Variants in PTPRA observed in about 807,000 individuals in gnomAD.
The protein encoded by PTPRA is protein tyrosine phosphatase receptor type A.
Under a neutral mutation model 104.8 loss-of-function variants are expected in PTPRA, and 25 were observed. The observed-to-expected ratio is 0.24, with a 90% CI of 0.17 to 0.33. The LOEUF is 0.33. Ranked by LOEUF, PTPRA falls within the 10% of genes least tolerant of loss-of-function variation. The probability of loss-of-function intolerance (pLI) is 1.00; values close to 1 mark genes in which losing one functional copy is unlikely to be tolerated. For missense variants in PTPRA, 765 were observed against 1,015.3 expected (o/e 0.75, Z 3.35); for synonymous variants, 323 against 368.9 (o/e 0.88, Z 1.43).
intron 3 of PTPRA, among the ~76,000 whole-genome samples, chr20:2,948,381 C>T (rs1309774893): frequency 6.6e-6 from 1 of 152,166 alleles, no homozygotes; most frequent in Non-Finnish European, 1.5e-5. Flanking sequence ...TCTAATGTCT[C>T]TAGTATCTGC....
At position 2,911,155 on chromosome 20, in the gene PTPRA, T is replaced by G. The variant is rs1285451810; in HGVS notation, c.-128-12052T>G. 2.6e-5 allele frequency among the ~76,000 whole-genome samples: 4 copies of G among 152,186 alleles called. 1 individual carries two copies. The highest frequency in any genetic ancestry group is 5.9e-5 in the Non-Finnish European group (4 of 68,028). ...AATAGAAGCAAGGGGTGGATAAATC[T>G]TCTAGATCAAACTCTTCCTTAAAAT... On this transcript the variant is annotated intron_variant, in intron 1 of 23. Coordinates refer to ENST00000399903, the MANE Select transcript of PTPRA (RefSeq NM_001385305.1).
intron 1 of PTPRA, among the ~76,000 whole-genome samples, chr20:2,900,513 C>T (rs1302118690): frequency 6.6e-6 from 1 of 152,026 alleles, no homozygotes; most frequent in Non-Finnish European, 1.5e-5. Flanking sequence ...TAAATAATGC[C>T]AGTCCTCAAA....
intron 9 of PTPRA, among the ~76,000 whole-genome samples, chr20:2,994,307 A>G (rs1287602143): frequency 1.3e-5 from 2 of 152,094 alleles, no homozygotes; most frequent in Non-Finnish European, 1.5e-5. Context: ...TACGAGTTGG[A>G]TGAGGGGGCC....
rs376041010 is a variant in PTPRA at position 2,964,730 on chromosome 20, T to C, written c.74-131T>C. 44 of 752,620 alleles carry C rather than the reference T, an allele frequency of 5.8e-5. No individual in the cohort carries two copies. The East Asian group carries it at 7.8e-4, about 13-fold the overall frequency. The allele number at this position is 752,620 out of a possible 1,614,324, so 46.6% of individuals were successfully genotyped here. A position where few individuals can be genotyped will look rare whatever the true frequency, so the allele number is the denominator to read the frequency against. On this transcript the variant is annotated intron_variant, in intron 4 of 23. Coordinates refer to ENST00000399903, the MANE Select transcript of PTPRA (RefSeq NM_001385305.1). ...AGATAAAAACGTAGGGGGTGGGTGG[T>C]GTTGAGGGGGATTGGTCTTTGCTTG...
chr20:2,950,813 T>C lies in PTPRA; in HGVS notation c.-7+2789T>C, dbSNP rs1568666183. 1.3e-5 allele frequency among the ~76,000 whole-genome samples: 2 copies of C among 152,188 alleles called. No homozygotes were observed. The highest frequency in any genetic ancestry group is 4.8e-5 in the African/African-American group (2 of 41,454). ...TTCTTAAACAACTTTATAATTGATG[T>C]AACAATAACCTGTACACATTTAAAG... On this transcript the variant is annotated intron_variant, in intron 3 of 23. Coordinates refer to ENST00000399903, the MANE Select transcript of PTPRA (RefSeq NM_001385305.1). The surrounding 1 kb of genome is among the most constrained non-coding windows in gnomAD (Gnocchi z 4.0).
intron 1 of PTPRA, among the ~76,000 whole-genome samples, chr20:2,888,833 C>A: frequency 6.6e-6 from 1 of 152,114 alleles, no homozygotes; most frequent in Non-Finnish European, 1.5e-5. Flanking sequence ...TTTCAAGTAA[C>A]AATAAGGGAA....
At chr20:2,933,383 C>A (rs188747352) in intron 2 of PTPRA, among the ~76,000 whole-genome samples, 20 of 151,640 alleles carry the variant, frequency 1.3e-4, no homozygotes, top group Non-Finnish European at 1.5e-4. Flanking sequence ...TAACCTTTTG[C>A]CTGTAACATT....
At chr20:2,982,014 T>A (rs2062694040) in intron 6 of PTPRA, among the ~76,000 whole-genome samples, 1 of 152,188 alleles carries the variant, frequency 6.6e-6, no homozygotes, top group Admixed American at 6.5e-5. Context: ...TCAGTGTGCT[T>A]TGGGGGAAGA....
intron 9 of PTPRA, among the ~76,000 whole-genome samples, chr20:2,999,728 A>ATT (rs1157362816): frequency 6.6e-6 from 1 of 152,238 alleles, no homozygotes; most frequent in East Asian, 1.9e-4. Context: ...AAACACTGAA[A>ATT]TTTAAAGGAC....
At chr20:2,880,021 A>G (rs1044923456) in intron 1 of PTPRA, among the ~76,000 whole-genome samples, 1 of 152,166 alleles carries the variant, frequency 6.6e-6, no homozygotes, top group Non-Finnish European at 1.5e-5. Context: ...AGAACTAGAG[A>G]CTAAGGACAG....
intron 3 of PTPRA, among the ~76,000 whole-genome samples, chr20:2,963,684 A>T (rs1453064085): frequency 6.6e-6 from 1 of 152,158 alleles, no homozygotes; most frequent in Non-Finnish European, 1.5e-5. Flanking sequence ...AAAATTTGAA[A>T]CTTTTTGAGC....
At chr20:2,907,984 A>G (rs2059488505) in intron 1 of PTPRA, among the ~76,000 whole-genome samples, 2 of 152,156 alleles carry the variant, frequency 1.3e-5, no homozygotes, top group African/African-American at 2.4e-5. Context: ...AGGCTAATTA[A>G]TACTCTTAAA....
At chr20:2,921,347 A>G (rs928193632) in intron 1 of PTPRA, among the ~76,000 whole-genome samples, 1 of 144,516 alleles carries the variant, frequency 6.9e-6, no homozygotes, top group South Asian at 2.2e-4. Context: ...TTTTTTGAAG[A>G]ACACCAACAG....
chr20:3,015,514 C>T (rs1393068908), intron 11 of PTPRA, among the ~76,000 whole-genome samples: 1 of 151,970 alleles, frequency 6.6e-6, no homozygotes, highest in East Asian at 1.9e-4. Context: ...ACCATGTTGG[C>T]CCCATGCTCT....
intron 6 of PTPRA, among the ~76,000 whole-genome samples, chr20:2,980,869 G>A (rs2062645487): frequency 6.6e-6 from 1 of 152,168 alleles, no homozygotes; most frequent in African/African-American, 2.4e-5. Flanking sequence ...CTCACAATAG[G>A]TGTCCCTTCA....
chr20:2,971,834 G>GGTTT (rs764464303), intron 5 of PTPRA, among the ~76,000 whole-genome samples: 4 of 151,884 alleles, frequency 2.6e-5, no homozygotes, highest in Admixed American at 1.3e-4. Context: ...TCTATTCCTA[G>GGTTT]GTTTGTTTGT....
the PTPRA span, chr20:2,866,000 T>C: frequency 1.7e-6 from 1 of 586,458 alleles, no homozygotes; most frequent in South Asian, 2.0e-5. The surrounding 1 kb of genome is among the most constrained non-coding windows in gnomAD (Gnocchi z 5.2). Context: ...TGGTCTCAAG[T>C]CTCTGACAGA....
chr20:2,891,831 C>T (rs1244007832), intron 1 of PTPRA, among the ~76,000 whole-genome samples: 1 of 152,104 alleles, frequency 6.6e-6, no homozygotes, highest in Non-Finnish European at 1.5e-5. Context: ...TGCACATCCT[C>T]CTGTGTACTT....
At chr20:2,896,009 CTT>C (rs781047977) in intron 1 of PTPRA, among the ~76,000 whole-genome samples, 12 of 152,148 alleles carry the variant, frequency 7.9e-5, no homozygotes, top group Admixed American at 2.0e-4. Context: ...ATAAGTGTCT[CTT>C]ATTTTCAAAT....
Sources: allele counts gnomAD v4.1 joint callset (sites outside exome capture counted in the v4.1 genomes callset), GRCh38; gene constraint gnomAD v4.1.1; non-coding constraint Gnocchi (gnomAD v3.1); transcripts MANE v1.5; gene names NCBI Gene and HGNC (gene_info 2026-07-23, HGNC 2026-07-21).